The following SPMIP4 variants were observed in gnomAD, a reference collection of about 807,000 sequenced individuals.
The protein encoded by SPMIP4 is sperm microtubule inner protein 4.
the SPMIP4 span, among the ~76,000 whole-genome samples, chr7:25,151,872 G>A: frequency 4.6e-5 from 7 of 152,146 alleles, no homozygotes; most frequent in East Asian, 1.9e-4. Flanking sequence ...TTAAGATAGC[G>A]TCTTGCTATG....
At chr7:25,160,898 G>A in the SPMIP4 span, among the ~76,000 whole-genome samples, 1 of 152,048 alleles carries the variant, frequency 6.6e-6, no homozygotes, top group Admixed American at 6.6e-5. Flanking sequence ...TGGGTAAGTA[G>A]GTCAAAGGCA....
At chr7:25,157,108 A>G in the SPMIP4 span, among the ~76,000 whole-genome samples, 3 of 152,238 alleles carry the variant, frequency 2.0e-5, no homozygotes, top group Non-Finnish European at 2.9e-5. Flanking sequence ...ATGTCAAAAG[A>G]ATATAGGAGC....
At chr7:25,163,194 C>T in the SPMIP4 span, among the ~76,000 whole-genome samples, 440 of 152,170 alleles carry the variant, frequency 2.9e-3, 2 homozygotes, top group Non-Finnish European at 3.9e-3. This position sits in a 1 kb window ranked among gnomAD's most constrained non-coding sequence, Gnocchi z 4.4. Flanking sequence ...ATGATGCATC[C>T]GTATTGTAGA....
At chr7:25,145,568 A>C in the SPMIP4 span, among the ~76,000 whole-genome samples, 1 of 152,234 alleles carries the variant, frequency 6.6e-6, no homozygotes, top group East Asian at 1.9e-4. Flanking sequence ...CACTAAACTC[A>C]GGGTACAGTT....
At chr7:25,134,497 T>TGAC in the SPMIP4 span, among the ~76,000 whole-genome samples, 1 of 152,236 alleles carries the variant, frequency 6.6e-6, no homozygotes, top group Non-Finnish European at 1.5e-5. Context: ...AAGGAAAGGC[T>TGAC]GACTTCCTCT....
At chr7:25,131,231 C>T in the SPMIP4 span, among the ~76,000 whole-genome samples, 23 of 152,220 alleles carry the variant, frequency 1.5e-4, no homozygotes, top group Non-Finnish European at 2.8e-4. This position sits in a 1 kb window ranked among gnomAD's most constrained non-coding sequence, Gnocchi z 4.2. Context: ...CCCATCACCC[C>T]CACATGGGAC....
chr7:25,163,988 G>C, the SPMIP4 span, among the ~76,000 whole-genome samples: 4,344 of 152,278 alleles, frequency 0.029, 190 homozygotes, highest in African/African-American at 0.096. The surrounding 1 kb of genome is among the most constrained non-coding windows in gnomAD (Gnocchi z 4.4). Flanking sequence ...TCACCGTATT[G>C]ATAGAATGTT....
At chr7:25,146,306 T>C in the SPMIP4 span, among the ~76,000 whole-genome samples, 1 of 152,138 alleles carries the variant, frequency 6.6e-6, no homozygotes, top group Non-Finnish European at 1.5e-5. Flanking sequence ...GTGGGAACAC[T>C]GCGGGTGTGA....
At chr7:25,151,711 TAAG>T in the SPMIP4 span, 2 of 1,291,240 alleles carry the variant, frequency 1.5e-6, no homozygotes, top group Non-Finnish European at 2.2e-6. Context: ...AAGCAATAAA[TAAG>T]AACAGTCTTT....
chr7:25,125,805 G>C, the SPMIP4 span: 6 of 580,642 alleles, frequency 1.0e-5, no homozygotes, highest in Admixed American at 3.8e-4. Context: ...CAGCATCCTA[G>C]AGGGACAGCC....
the SPMIP4 span, among the ~76,000 whole-genome samples, chr7:25,127,802 A>G: frequency 6.6e-6 from 1 of 152,086 alleles, no homozygotes; most frequent in Non-Finnish European, 1.5e-5. Context: ...TTGTCTTCAC[A>G]GTCTGGGCTT....
the SPMIP4 span, chr7:25,136,214 C>G: frequency 1.9e-6 from 3 of 1,614,188 alleles, no homozygotes. The surrounding 1 kb of genome is among the most constrained non-coding windows in gnomAD (Gnocchi z 5.7). Context: ...AAGAACAACT[C>G]TTCTTCTGGC....
At chr7:25,178,319 C>T in the SPMIP4 span, among the ~76,000 whole-genome samples, 2 of 152,120 alleles carry the variant, frequency 1.3e-5, no homozygotes, top group African/African-American at 2.4e-5. Flanking sequence ...TTTGATAGAA[C>T]AACTTATAAG....
chr7:25,173,794 C>T, the SPMIP4 span, among the ~76,000 whole-genome samples: 5 of 152,132 alleles, frequency 3.3e-5, no homozygotes, highest in African/African-American at 4.8e-5. The surrounding 1 kb of genome is among the most constrained non-coding windows in gnomAD (Gnocchi z 4.4). Context: ...TATATTACAT[C>T]GTCCCCAGAA....
chr7:25,172,162 A>G, the SPMIP4 span, among the ~76,000 whole-genome samples: 1 of 152,054 alleles, frequency 6.6e-6, no homozygotes, highest in Non-Finnish European at 1.5e-5. The surrounding 1 kb of genome is among the most constrained non-coding windows in gnomAD (Gnocchi z 4.2). Context: ...GGGAAGAATT[A>G]CTTTTGTTTG....
At chr7:25,178,042 A>C in the SPMIP4 span, among the ~76,000 whole-genome samples, 1 of 152,166 alleles carries the variant, frequency 6.6e-6, no homozygotes, top group Non-Finnish European at 1.5e-5. Context: ...TCCCACTTAT[A>C]AGTCAGAATA....
At chr7:25,133,950 T>G in the SPMIP4 span, among the ~76,000 whole-genome samples, 1 of 152,170 alleles carries the variant, frequency 6.6e-6, no homozygotes, top group African/African-American at 2.4e-5. Context: ...TTAAAGACGT[T>G]GCCAATGTAT....
the SPMIP4 span, among the ~76,000 whole-genome samples, chr7:25,167,372 G>C: frequency 6.6e-6 from 1 of 152,230 alleles, no homozygotes; most frequent in Admixed American, 6.5e-5. Flanking sequence ...AAGGATGGCA[G>C]TATCTGCTTC....
At chr7:25,135,386 T>G in the SPMIP4 span, 1 of 985,428 alleles carries the variant, frequency 1.0e-6, no homozygotes, top group Non-Finnish European at 1.2e-6. Flanking sequence ...TTCATTTTTT[T>G]CGCTGACTTA....
Sources: gnomAD v4.1 joint callset for allele counts (sites outside exome capture counted in the v4.1 genomes callset) on GRCh38, gnomAD v4.1.1 for gene constraint, Gnocchi (gnomAD v3.1) non-coding constraint, MANE v1.5 for transcripts, NCBI Gene and HGNC (gene_info 2026-07-23, HGNC 2026-07-21) for gene names.